The following BANP variants were observed in gnomAD, a reference collection of about 807,000 sequenced individuals.
The protein encoded by BANP is BTG3 associated nuclear protein, also known as protein BANP.
In BANP, 11 loss-of-function variants were observed where a neutral mutation model predicts 68.1. The observed-to-expected ratio is 0.16, with a 90% CI of 0.10 to 0.27. The LOEUF is 0.27. Among genes scored for constraint, BANP ranks in the 10% least tolerant of loss-of-function variants. The probability of loss-of-function intolerance (pLI) is 1.00; values close to 1 mark genes in which losing one functional copy is unlikely to be tolerated. For synonymous variants in BANP, 329 were observed against 303.2 expected (o/e 1.09, Z -0.88); for missense variants, 504 against 722.7 (o/e 0.70, Z 3.47).
At chr16:87,996,102 TTC>T (rs2067124458) in intron 4 of BANP, among the ~76,000 whole-genome samples, 1 of 152,212 alleles carries the variant, frequency 6.6e-6, no homozygotes, top group Non-Finnish European at 1.5e-5. Flanking sequence ...GTCATGTCTG[TTC>T]TCTGTCCTGT....
intron 12 of BANP, chr16:88,070,988 T>TG (rs2090156664): frequency 1.3e-5 from 2 of 156,802 alleles, no homozygotes; most frequent in Non-Finnish European, 2.8e-5. Flanking sequence ...TAAAAGCACT[T>TG]GCAGGTGAAA....
intron 13 of BANP, among the ~76,000 whole-genome samples, chr16:88,072,953 C>A (rs981333784): frequency 6.6e-6 from 1 of 152,244 alleles, no homozygotes; most frequent in Non-Finnish European, 1.5e-5. Flanking sequence ...AACATTCTGG[C>A]CGCTGTCTTT....
Position 87,991,235 on chromosome 16 carries a change from A to G in BANP, c.362+6976A>G, listed in dbSNP as rs111433345. ...AATTATTCACATAATTGTATGGTAC[A>G]GTTTACATACCTACAACTTCGGGAA... On this transcript the variant is annotated intron_variant, in intron 4 of 13. Transcript: ENST00000682872. 2.8e-3 allele frequency among the ~76,000 whole-genome samples: 424 copies of G among 151,370 alleles called. 2 individuals carry two copies. Among genetic ancestry groups the G allele is most frequent in the African/African-American group, 9.2e-3 (375 of 40,672 alleles).
At chr16:88,017,601 C>T (rs2074882977) in intron 6 of BANP, among the ~76,000 whole-genome samples, 1 of 152,190 alleles carries the variant, frequency 6.6e-6, no homozygotes, top group African/African-American at 2.4e-5. Context: ...GCTGAGAGCC[C>T]ACGCTTGGGA....
intron 1 of BANP, among the ~76,000 whole-genome samples, chr16:87,974,694 G>A (rs898143625): frequency 3.3e-5 from 5 of 152,108 alleles, no homozygotes; most frequent in African/African-American, 1.2e-4. Context: ...AAGCGACAGA[G>A]CGTTTGCTGT....
chr16:88,026,787 A>G (rs571714718), intron 7 of BANP, among the ~76,000 whole-genome samples: 6 of 152,280 alleles, frequency 3.9e-5, no homozygotes, highest in Middle Eastern at 3.4e-3. Flanking sequence ...CAATACATAC[A>G]TGAATTCTCC....
chr16:87,997,602 A>C (rs536165765), intron 4 of BANP, among the ~76,000 whole-genome samples: 2 of 152,188 alleles, frequency 1.3e-5, no homozygotes, highest in African/African-American at 4.8e-5. Context: ...TAAAATAGCC[A>C]GGATGGCTGG....
At chr16:88,054,486 A>G (rs910875803) in intron 11 of BANP, among the ~76,000 whole-genome samples, 2 of 151,738 alleles carry the variant, frequency 1.3e-5, no homozygotes, top group African/African-American at 4.8e-5. Flanking sequence ...CCAACAACAC[A>G]TCTATCACAG....
rs897926705 is a variant in BANP at position 88,057,898 on chromosome 16, C to T, written c.1312-7369C>T. ...TTCCGGACAGTGCGGTGCGGGGCAG[C>T]GAGTGGCCGCCTGTGTTCCGACAAG... On this transcript the variant is annotated intron_variant, in intron 11 of 13. Coordinates refer to ENST00000682872, the MANE Select transcript of BANP (RefSeq NM_001386991.1). This position sits in a 1 kb window ranked among gnomAD's most constrained non-coding sequence, Gnocchi z 4.6. Among the ~76,000 whole-genome samples the T allele has an allele frequency of 6.6e-6, 1 of 152,070 alleles. No individual in the cohort carries two copies. The highest frequency in any genetic ancestry group is 1.5e-5 in the Non-Finnish European group (1 of 68,004).
chr16:87,955,230 T>G (rs1431838419), intron 1 of BANP, among the ~76,000 whole-genome samples: 1 of 151,858 alleles, frequency 6.6e-6, no homozygotes, highest in Non-Finnish European at 1.5e-5. Flanking sequence ...CGGTGGGCTC[T>G]GTCTGCCAGA....
chr16:87,957,657 A>G lies in BANP; in HGVS notation c.-69+6142A>G. On this transcript the variant is annotated intron_variant, in intron 1 of 13. Transcript: ENST00000682872. This position sits in a 1 kb window ranked among gnomAD's most constrained non-coding sequence, Gnocchi z 4.3. ...AAAGTCATCAAATATCTGGAAGCAAAGCTTAATCTTTCTGAAAGTAGAAAC... is the reference window on the plus strand; with the variant it reads ...AAAGTCATCAAATATCTGGAAGCAAGGCTTAATCTTTCTGAAAGTAGAAAC... 6.6e-6 allele frequency among the ~76,000 whole-genome samples: 1 copy of G among 152,234 alleles called. No individual in the cohort carries two copies. The highest frequency in any genetic ancestry group is 1.9e-4 in the East Asian group (1 of 5,198).
chr16:87,966,119 G>A (rs1214754998), intron 1 of BANP, among the ~76,000 whole-genome samples: 1 of 152,210 alleles, frequency 6.6e-6, no homozygotes, highest in Admixed American at 6.5e-5. Context: ...ATATTCTGGA[G>A]ATCTTTCCAT....
intron 11 of BANP, among the ~76,000 whole-genome samples, chr16:88,055,281 C>T (rs184132053): frequency 8.6e-5 from 13 of 151,860 alleles, no homozygotes; most frequent in Non-Finnish European, 1.6e-4. Flanking sequence ...CACCCACCCA[C>T]CCCCTCCGCA....
chr16:88,035,965 G>A (rs777092097), intron 10 of BANP, among the ~76,000 whole-genome samples: 2 of 152,362 alleles, frequency 1.3e-5, no homozygotes, highest in Admixed American at 6.5e-5. Flanking sequence ...AGAAGTGCGG[G>A]CTCAGCTGCT....
At chr16:88,034,338 A>G (rs1253201850) in intron 9 of BANP, among the ~76,000 whole-genome samples, 7 of 152,240 alleles carry the variant, frequency 4.6e-5, no homozygotes, top group Non-Finnish European at 5.9e-5. Flanking sequence ...CTTACATAGA[A>G]CATTCTACAG....
At chr16:88,012,978 G>C (rs1463609506) in intron 6 of BANP, among the ~76,000 whole-genome samples, 1 of 152,088 alleles carries the variant, frequency 6.6e-6, no homozygotes, top group Non-Finnish European at 1.5e-5. Flanking sequence ...AAAAAGTTGA[G>C]TAATACAGCA....
intron 11 of BANP, among the ~76,000 whole-genome samples, chr16:88,049,545 C>G (rs573285454): frequency 3.8e-4 from 58 of 152,168 alleles, no homozygotes; most frequent in African/African-American, 1.3e-3. Context: ...GTCTTAAGAC[C>G]CACAGTCAGC....
chr16:87,999,241 C>T (rs557974858), intron 4 of BANP, among the ~76,000 whole-genome samples: 47 of 131,262 alleles, frequency 3.6e-4, no homozygotes, highest in African/African-American at 5.2e-4. Flanking sequence ...CACGCACGTG[C>T]GCGGCTGTAC....
chr16:88,068,900 C>CT (rs11370302), intron 12 of BANP, among the ~76,000 whole-genome samples: 150,872 of 152,294 alleles, frequency 0.99, 74,743 homozygotes, highest in East Asian at 1. Context: ...CGTCCCCAGC[C>CT]TGTGGTCTGA....
Sources: gnomAD v4.1 joint callset for allele counts (sites outside exome capture counted in the v4.1 genomes callset) on GRCh38, gnomAD v4.1.1 for gene constraint, Gnocchi (gnomAD v3.1) non-coding constraint, MANE v1.5 for transcripts, NCBI Gene and HGNC (gene_info 2026-07-23, HGNC 2026-07-21) for gene names.